Variants in MRPS28 observed in about 807,000 individuals in gnomAD.
MRPS28 encodes mitochondrial ribosomal protein S28.
In MRPS28, 7 loss-of-function variants were observed where a neutral mutation model predicts 10.8. The ratio of observed to expected loss-of-function variants is 0.65; its 90% confidence interval spans 0.37 to 1.22. The LOEUF (loss-of-function observed/expected upper bound fraction) is 1.22, where lower values mean the gene tolerates loss of function less well. Among genes scored for constraint, MRPS28 ranks in the 50% most tolerant of loss-of-function variants. MRPS28 has a pLI of 0.02. For synonymous variants in MRPS28, 121 were observed against 93.3 expected (o/e 1.30, Z -1.71); for missense variants, 265 against 232.9 (o/e 1.14, Z -0.90).
intron 2 of MRPS28, among the ~76,000 whole-genome samples, chr8:79,948,236 C>T (rs1806979524): frequency 1.3e-5 from 2 of 152,122 alleles, no homozygotes; most frequent in Admixed American, 6.5e-5. Context: ...ATCCACCCAC[C>T]TTGGCCTCCC....
At chr8:79,920,191 T>G (rs1431945223) in intron 2 of MRPS28, among the ~76,000 whole-genome samples, 1 of 152,194 alleles carries the variant, frequency 6.6e-6, no homozygotes, top group African/African-American at 2.4e-5. Context: ...AGTCTATCAT[T>G]GTTGGACATT....
chr8:79,921,808 T>C (rs1810102396), intron 2 of MRPS28, among the ~76,000 whole-genome samples: 2 of 152,190 alleles, frequency 1.3e-5, no homozygotes, highest in Admixed American at 6.5e-5. Context: ...GGCCAGAACT[T>C]CCAACACTAT....
chr8:79,919,192 T>A, intron 2 of MRPS28, 44 bp from the exon 3 acceptor site: 1 of 1,445,386 alleles, frequency 6.9e-7, no homozygotes, highest in Non-Finnish European at 9.2e-7. Flanking sequence ...CTGAATATCA[T>A]AACATGAACA....
chr8:79,957,480 G>C (rs1000255740), intron 2 of MRPS28: 2 of 151,920 alleles, frequency 1.3e-5, no homozygotes, highest in African/African-American at 4.9e-5. Context: ...GACCAAGAAG[G>C]GGGTGGTTCA....
Position 80,005,760 on chromosome 8 carries a change from C to T in MRPS28, c.214-2580G>A, listed in dbSNP as rs562475546. 4.3e-3 allele frequency among the ~76,000 whole-genome samples: 649 copies of T among 152,204 alleles called. 4 individuals are homozygous for T. Among genetic ancestry groups the T allele is most frequent in the Non-Finnish European group, 4.6e-3 (312 of 68,020 alleles). The stretch of plus-strand genomic sequence containing the variant: ...GACCCATCTCACGTGCAGAGACACA[C>T]ATAGGCTCAAAATAAAGGGATGGAG... On this transcript the variant is annotated intron_variant, in intron 1 of 2. Transcript: ENST00000276585.
chr8:79,922,026 A>G lies in MRPS28; in HGVS notation c.396-2878T>C, dbSNP rs538295454. 2.4e-4 allele frequency among the ~76,000 whole-genome samples: 36 copies of G among 152,342 alleles called. 1 individual carries two copies. The highest frequency in any genetic ancestry group is 7.7e-4 in the African/African-American group (32 of 41,588). On this transcript the variant is annotated intron_variant, in intron 2 of 2. Coordinates refer to ENST00000276585, the MANE Select transcript of MRPS28 (RefSeq NM_014018.3). Reference sequence around the variant, plus strand: ...GAATTTTGTCAAAGACCTTTTCTGCATCTATTGAGATAATCGTGGTTTTTG... The same window carrying G: ...GAATTTTGTCAAAGACCTTTTCTGCGTCTATTGAGATAATCGTGGTTTTTG...
chr8:79,986,357 AC>A (rs912005101), intron 2 of MRPS28, among the ~76,000 whole-genome samples: 2 of 152,240 alleles, frequency 1.3e-5, no homozygotes, highest in African/African-American at 4.8e-5. Context: ...CCCTTTGAAA[AC>A]TGGCACAAGG....
chr8:79,953,512 T>C (rs759071694), intron 2 of MRPS28, among the ~76,000 whole-genome samples: 2 of 152,232 alleles, frequency 1.3e-5, no homozygotes, highest in East Asian at 1.9e-4. Flanking sequence ...TGGATAATCA[T>C]ATGAAAAAAA....
intron 2 of MRPS28, among the ~76,000 whole-genome samples, chr8:79,969,767 C>T (rs528871352): frequency 2.0e-5 from 3 of 151,982 alleles, no homozygotes; most frequent in African/African-American, 4.8e-5. Context: ...AAGCAAATTA[C>T]GGTTATGTAA....
intron 2 of MRPS28, among the ~76,000 whole-genome samples, chr8:79,982,594 G>A (rs942885724): frequency 1.6e-4 from 25 of 152,170 alleles, no homozygotes; most frequent in African/African-American, 5.8e-4. Context: ...CTTAAAAAAC[G>A]GCGCACCAGG....
chr8:80,006,464 T>A (rs200704865), intron 1 of MRPS28, among the ~76,000 whole-genome samples: 3 of 151,968 alleles, frequency 2.0e-5, no homozygotes, highest in Non-Finnish European at 4.4e-5. Context: ...AACCTTCAAA[T>A]AATCAATGAA....
intron 2 of MRPS28, among the ~76,000 whole-genome samples, chr8:80,002,040 C>G (rs1333442711): frequency 6.6e-6 from 1 of 150,982 alleles, no homozygotes; most frequent in African/African-American, 2.4e-5. Flanking sequence ...TTTGTCAGAC[C>G]CTATTCAGAT....
intron 2 of MRPS28, among the ~76,000 whole-genome samples, chr8:79,987,357 T>C (rs181166488): frequency 0.018 from 2,688 of 152,300 alleles, 77 homozygotes; most frequent in African/African-American, 0.059. Context: ...ATTCAGGACA[T>C]AGGCATGGAA....
intron 2 of MRPS28, among the ~76,000 whole-genome samples, chr8:79,949,519 A>T (rs1807027108): frequency 6.6e-6 from 1 of 152,064 alleles, no homozygotes; most frequent in South Asian, 2.1e-4. Context: ...GATTCCCATT[A>T]AGCAAAATTT....
intron 2 of MRPS28, among the ~76,000 whole-genome samples, chr8:79,919,866 T>C (rs892202883): frequency 1.3e-5 from 2 of 152,102 alleles, no homozygotes; most frequent in African/African-American, 4.8e-5. Flanking sequence ...GTTACATATG[T>C]ATACATGTGC....
chr8:79,981,055 G>A (rs547352976), intron 2 of MRPS28, among the ~76,000 whole-genome samples: 6 of 152,288 alleles, frequency 3.9e-5, no homozygotes, highest in East Asian at 1.9e-4. Flanking sequence ...TGGGTCGGGC[G>A]CAGTGGCTCA....
Position 79,918,983 on chromosome 8 carries a change from T to C in MRPS28, c.561A>G (p.Lys187=). The C allele has an allele frequency of 3.9e-6, 6 of 1,543,678 alleles. No homozygotes were observed. Among genetic ancestry groups the C allele is most frequent in the Non-Finnish European group, 5.2e-6 (6 of 1,147,610 alleles). ...CAATCCACTAAGCAAAGTTCATTTA[T>C]TTTTCATGATGTTCTTCTTTCGATC... is the stretch of plus-strand genomic sequence containing the variant. ...DSRSKEEHHE[K] is the part of the protein sequence containing the mutation. Residue 187 remains lysine (K), a synonymous_variant, in exon 3 of 3, where the codon AAA becomes AAG. Coordinates refer to ENST00000276585, the MANE Select transcript of MRPS28 (RefSeq NM_014018.3).
intron 2 of MRPS28, among the ~76,000 whole-genome samples, chr8:79,975,712 GA>G (rs969582361): frequency 4.8e-4 from 72 of 149,412 alleles, no homozygotes; most frequent in Non-Finnish European, 9.7e-4. Flanking sequence ...TTGGCAAGAT[GA>G]AAAAAAAACA....
chr8:79,978,238 G>A (rs1807853509), intron 2 of MRPS28, among the ~76,000 whole-genome samples: 1 of 152,094 alleles, frequency 6.6e-6, no homozygotes, highest in African/African-American at 2.4e-5. Flanking sequence ...GCAAAGTGTG[G>A]GCTAAGGTGA....
Sources: allele counts gnomAD v4.1 joint callset (sites outside exome capture counted in the v4.1 genomes callset), GRCh38; gene constraint gnomAD v4.1.1; transcripts MANE v1.5; gene names NCBI Gene and HGNC (gene_info 2026-07-23, HGNC 2026-07-21).